NRG1: variants seen among roughly 807,000 people sequenced by gnomAD.
The protein encoded by NRG1 is pro-neuregulin-1, membrane-bound isoform.
A neutral mutation model predicts 63.8 loss-of-function variants in NRG1; 18 were observed. That is an observed-to-expected ratio of 0.28 (90% confidence interval 0.19 to 0.42). The LOEUF (loss-of-function observed/expected upper bound fraction) is 0.42. Among genes scored for constraint, NRG1 ranks in the 10% least tolerant of loss-of-function variants. The pLI is 1.00. For synonymous variants in NRG1, 302 were observed against 301.3 expected (o/e 1.00, Z -0.02); for missense variants, 762 against 814.7 (o/e 0.94, Z 0.79).
intron 2 of NRG1, among the ~76,000 whole-genome samples, chr8:32,599,302 A>G (rs1045024645): frequency 6.6e-6 from 1 of 151,990 alleles, no homozygotes; most frequent in African/African-American, 2.4e-5. Context: ...TTGAGGTGTA[A>G]GATTTTTCTG....
intron 1 of NRG1, among the ~76,000 whole-genome samples, chr8:32,381,376 T>C (rs1810324006): frequency 1.3e-5 from 2 of 152,188 alleles, no homozygotes; most frequent in Non-Finnish European, 2.9e-5. Context: ...ACCATCTGAT[T>C]ATGTTTGTTG....
chr8:31,845,407 C>T (rs1273830842), intron 1 of NRG1, among the ~76,000 whole-genome samples: 1 of 152,098 alleles, frequency 6.6e-6, no homozygotes, highest in Non-Finnish European at 1.5e-5. Flanking sequence ...TTCTAAGGGA[C>T]AAATACTAGT....
chr8:31,817,830 A>C lies in NRG1; in HGVS notation c.37+178399A>C, dbSNP rs75466606. On this transcript the variant is annotated intron_variant, in intron 1 of 10. Transcript: ENST00000519301. ...TACTTGAAAATCAGACTTGTCTAAAATTTCTTTTGTAAGATATTAGAGAAC... is the reference window on the plus strand; with the variant it reads ...TACTTGAAAATCAGACTTGTCTAAACTTTCTTTTGTAAGATATTAGAGAAC... Among the ~76,000 whole-genome samples, 25 of 152,344 alleles carry C rather than the reference A, an allele frequency of 1.6e-4. No homozygotes were observed. In the Middle Eastern group the frequency reaches 0.02, roughly 124 times the overall value.
chr8:32,610,000 G>GA (rs1234076545), intron 3 of NRG1, among the ~76,000 whole-genome samples: 234 of 143,230 alleles, frequency 1.6e-3, no homozygotes, highest in Middle Eastern at 3.6e-3. Context: ...GTGGATTCTA[G>GA]AAAAAAAAAA....
intron 1 of NRG1, among the ~76,000 whole-genome samples, chr8:32,541,860 G>C (rs36068430): frequency 2.0e-5 from 3 of 152,102 alleles, no homozygotes; most frequent in Non-Finnish European, 4.4e-5. Context: ...AGATTAAATC[G>C]AAACTCAAAG....
intron 1 of NRG1, among the ~76,000 whole-genome samples, chr8:32,584,654 A>C (rs962967608): frequency 6.6e-6 from 1 of 152,246 alleles, no homozygotes; most frequent in Non-Finnish European, 1.5e-5. Context: ...GATCTGACTA[A>C]ATAACAAAGA....
intron 1 of NRG1, among the ~76,000 whole-genome samples, chr8:31,744,249 A>C (rs905138651): frequency 2.0e-5 from 3 of 151,998 alleles, no homozygotes; most frequent in Non-Finnish European, 4.4e-5. Flanking sequence ...TAATGAAGAG[A>C]TCCTCTATCT....
At chr8:32,208,776 G>A (rs1844346672) in intron 1 of NRG1, among the ~76,000 whole-genome samples, 1 of 152,128 alleles carries the variant, frequency 6.6e-6, no homozygotes, top group South Asian at 2.1e-4. Flanking sequence ...ACAGTGTTAA[G>A]TGAAAAGTTT....
chr8:32,057,645 T>G (rs1823175762), intron 1 of NRG1, among the ~76,000 whole-genome samples: 1 of 152,200 alleles, frequency 6.6e-6, no homozygotes, highest in African/African-American at 2.4e-5. Context: ...TTAATAAACA[T>G]GCCCTGTCTT....
At chr8:31,724,007 A>C (rs563130686) in intron 1 of NRG1, among the ~76,000 whole-genome samples, 1 of 152,104 alleles carries the variant, frequency 6.6e-6, no homozygotes, top group Non-Finnish European at 1.5e-5. Context: ...TTGCTTGGTC[A>C]CTTTTCTTAG....
chr8:32,055,921 A>G (rs1822857160), intron 1 of NRG1, among the ~76,000 whole-genome samples: 1 of 152,136 alleles, frequency 6.6e-6, no homozygotes. Context: ...CATTCCTCAG[A>G]ATCAGGTTCA....
At chr8:31,713,262 G>A (rs577666301) in intron 1 of NRG1, among the ~76,000 whole-genome samples, 22 of 151,596 alleles carry the variant, frequency 1.5e-4, no homozygotes, top group East Asian at 5.9e-4. Context: ...GACTACAGGC[G>A]CCCACCACCA....
At chr8:32,590,843 C>T (rs986700526) in intron 1 of NRG1, among the ~76,000 whole-genome samples, 1 of 152,038 alleles carries the variant, frequency 6.6e-6, no homozygotes, top group Admixed American at 6.6e-5. Flanking sequence ...ACCACATGGG[C>T]TCAAATATTA....
At chr8:32,025,880 A>G (rs1440351639) in intron 1 of NRG1, among the ~76,000 whole-genome samples, 2 of 142,282 alleles carry the variant, frequency 1.4e-5, no homozygotes, top group African/African-American at 5.2e-5. Context: ...CGGGAGGCGG[A>G]GCTTGCAGTG....
chr8:32,765,193 G>A (rs1448691391), exon 12 of NRG1: 1 of 152,060 alleles, frequency 6.6e-6, no homozygotes, highest in Non-Finnish European at 1.5e-5. Flanking sequence ...CACCTTACAA[G>A]AGGACTGAGT....
intron 1 of NRG1, among the ~76,000 whole-genome samples, chr8:31,714,766 A>G (rs1255285890): frequency 6.6e-6 from 1 of 152,146 alleles, no homozygotes; most frequent in African/African-American, 2.4e-5. Context: ...GCTCTTTCTT[A>G]TAAGTTGCTA....
intron 1 of NRG1, among the ~76,000 whole-genome samples, chr8:32,516,895 G>A (rs1047938845): frequency 2.0e-5 from 3 of 152,060 alleles, no homozygotes; most frequent in Non-Finnish European, 4.4e-5. Context: ...AGCAATTCAT[G>A]GTTTTGTTTG....
At chr8:31,922,520 G>A (rs948789673) in intron 1 of NRG1, among the ~76,000 whole-genome samples, 12 of 152,082 alleles carry the variant, frequency 7.9e-5, no homozygotes, top group Admixed American at 6.6e-4. Context: ...ATGCCATAAA[G>A]TCACCTCTAT....
At chr8:32,157,287 C>A (rs1439454488) in intron 1 of NRG1, among the ~76,000 whole-genome samples, 5 of 147,954 alleles carry the variant, frequency 3.4e-5, no homozygotes, top group Non-Finnish European at 5.9e-5. Context: ...ATCACTTGAA[C>A]CTGGGAGGCA....
Sources: gnomAD v4.1 joint callset for allele counts (sites outside exome capture counted in the v4.1 genomes callset) on GRCh38, gnomAD v4.1.1 for gene constraint, MANE v1.5 for transcripts, NCBI Gene and HGNC (gene_info 2026-07-23, HGNC 2026-07-21) for gene names.